Variants in TMTC2 observed in about 807,000 individuals in gnomAD.
TMTC2 encodes protein O-mannosyl-transferase TMTC2.
A neutral mutation model predicts 82.4 loss-of-function variants in TMTC2; 43 were observed. The observed-to-expected ratio is 0.52, with a 90% CI of 0.41 to 0.67. TMTC2 has a LOEUF of 0.67. Ranked by LOEUF, TMTC2 falls within the 30% of genes least tolerant of loss-of-function variation. TMTC2 has a pLI of 0.00. For synonymous variants in TMTC2, 408 were observed against 381.9 expected (o/e 1.07, Z -0.80); for missense variants, 919 against 1,012.4 (o/e 0.91, Z 1.25).
At chr12:82,963,199 A>C (rs889473760) in intron 4 of TMTC2, among the ~76,000 whole-genome samples, 5 of 151,984 alleles carry the variant, frequency 3.3e-5, no homozygotes, top group Admixed American at 6.6e-5. Flanking sequence ...GATCATAAGC[A>C]ATAGTTAGAG....
chr12:82,782,479 A>C (rs1877956223), intron 1 of TMTC2, among the ~76,000 whole-genome samples: 1 of 152,122 alleles, frequency 6.6e-6, no homozygotes, highest in Non-Finnish European at 1.5e-5. Context: ...TGGATAAAGG[A>C]AGGAACAGGA....
Position 82,965,678 on chromosome 12 carries a change from C to G in TMTC2, c.1803C>G (p.His601Gln). ...AAAACCTAAAGGACCCTCATGCACA[C>G]AAGAGCTCTGTTACCAGTTGTTTGT... ...PDENLKDPHA[H>Q]KSSVTSCLYN... is the part of the protein sequence containing the mutation. Residue 601 changes from histidine to glutamine, a missense_variant, in exon 6 of 12, where the codon CAC (histidine) becomes CAG (glutamine). Transcript: ENST00000321196. The G allele has an allele frequency of 6.2e-7, 1 of 1,613,820 alleles. No homozygotes were observed.
intron 1 of TMTC2, among the ~76,000 whole-genome samples, chr12:82,818,970 G>A (rs1291653628): frequency 6.6e-6 from 1 of 151,876 alleles, no homozygotes; most frequent in Non-Finnish European, 1.5e-5. Context: ...ATTTTGGTGT[G>A]AAAAGATAAC....
intron 7 of TMTC2, among the ~76,000 whole-genome samples, chr12:82,982,750 TA>T (rs1158180146): frequency 6.6e-6 from 1 of 151,984 alleles, no homozygotes; most frequent in Non-Finnish European, 1.5e-5. Flanking sequence ...ACAGAGAGCA[TA>T]ATTCTCACCT....
At chr12:82,862,186 C>CA in intron 2 of TMTC2, among the ~76,000 whole-genome samples, 1 of 152,244 alleles carries the variant, frequency 6.6e-6, no homozygotes, top group African/African-American at 2.4e-5. Context: ...CTTAGCCTTG[C>CA]AAATACATAC....
chr12:82,769,907 G>T (rs973566204), intron 1 of TMTC2, among the ~76,000 whole-genome samples: 3 of 152,116 alleles, frequency 2.0e-5, no homozygotes, highest in Non-Finnish European at 4.4e-5. Flanking sequence ...ACCATACCCG[G>T]CCAAGACACT....
intron 8 of TMTC2, among the ~76,000 whole-genome samples, chr12:82,999,707 G>A (rs1418845280): frequency 6.6e-6 from 1 of 152,088 alleles, no homozygotes; most frequent in African/African-American, 2.4e-5. Context: ...CCACCATCAC[G>A]AGAACAGCAT....
At chr12:82,838,784 G>GTTT (rs201941481) in intron 1 of TMTC2, among the ~76,000 whole-genome samples, 7 of 135,250 alleles carry the variant, frequency 5.2e-5, no homozygotes, top group East Asian at 2.2e-4. Flanking sequence ...ATTTTTTCTT[G>GTTT]TTTTTTTTTT....
At chr12:82,751,737 T>G (rs1162241960) in intron 1 of TMTC2, among the ~76,000 whole-genome samples, 1 of 152,128 alleles carries the variant, frequency 6.6e-6, no homozygotes, top group Non-Finnish European at 1.5e-5. Context: ...ATATTAAGAT[T>G]CTCTGATACA....
intron 3 of TMTC2, among the ~76,000 whole-genome samples, chr12:82,924,422 T>A (rs1373618880): frequency 1.3e-5 from 2 of 152,228 alleles, no homozygotes; most frequent in Non-Finnish European, 2.9e-5. Flanking sequence ...TACAAAATTA[T>A]GAGGTGGTCT....
chr12:82,832,512 T>C (rs1472279881), intron 1 of TMTC2, among the ~76,000 whole-genome samples: 2 of 152,136 alleles, frequency 1.3e-5, no homozygotes, highest in Admixed American at 1.3e-4. Context: ...GAGCATGGGG[T>C]ACCTCTATAT....
chr12:83,007,843 CTAGAAAGTT>C (rs1880274726), intron 8 of TMTC2, among the ~76,000 whole-genome samples: 1 of 152,038 alleles, frequency 6.6e-6, no homozygotes, highest in Admixed American at 6.6e-5. Flanking sequence ...GGTTTTGTAT[CTAGAAAGTT>C]TATAGTTCTG....
intron 8 of TMTC2, among the ~76,000 whole-genome samples, chr12:82,994,470 G>A (rs1038124281): frequency 2.0e-5 from 3 of 152,042 alleles, no homozygotes; most frequent in African/African-American, 7.2e-5. Context: ...TGTCTGTTTG[G>A]TTTCTGTATC....
chr12:82,938,836 A>C (rs1391478806), intron 4 of TMTC2, among the ~76,000 whole-genome samples: 3 of 152,352 alleles, frequency 2.0e-5, no homozygotes, highest in East Asian at 1.9e-4. Flanking sequence ...AAAACATAGA[A>C]GTCCCTATTA....
At chr12:82,845,945 T>TTG (rs2137098011) in intron 1 of TMTC2, among the ~76,000 whole-genome samples, 1 of 98,260 alleles carries the variant, frequency 1.0e-5, no homozygotes, top group South Asian at 2.7e-4. Flanking sequence ...TTGTGTTTGT[T>TTG]TTTTTTTTTT....
At chr12:82,996,293 G>A (rs186155198) in intron 8 of TMTC2, among the ~76,000 whole-genome samples, 1 of 152,278 alleles carries the variant, frequency 6.6e-6, no homozygotes, top group South Asian at 2.1e-4. Flanking sequence ...CACACTGAAA[G>A]GGGTGAGGGT....
intron 11 of TMTC2, among the ~76,000 whole-genome samples, chr12:83,106,650 A>G (rs544522546): frequency 6.6e-6 from 1 of 152,342 alleles, no homozygotes; most frequent in Admixed American, 6.5e-5. Flanking sequence ...AACCAGCCAG[A>G]GAGAAAAGAA....
chr12:82,926,836 G>A (rs1189615066), intron 3 of TMTC2, among the ~76,000 whole-genome samples: 1 of 152,160 alleles, frequency 6.6e-6, no homozygotes, highest in East Asian at 1.9e-4. Context: ...TTTCCGAGAT[G>A]ACAACACATC....
At chr12:83,038,971 G>C (rs1311360269) in intron 9 of TMTC2, among the ~76,000 whole-genome samples, 4 of 108,550 alleles carry the variant, frequency 3.7e-5, no homozygotes, top group Non-Finnish European at 5.1e-5. Context: ...CACTCTTGTT[G>C]CATAGGCTGG....
Sources: allele counts gnomAD v4.1 joint callset (sites outside exome capture counted in the v4.1 genomes callset), GRCh38; gene constraint gnomAD v4.1.1; transcripts MANE v1.5; gene names NCBI Gene and HGNC (gene_info 2026-07-23, HGNC 2026-07-21).